The following RIF1 variants were observed in gnomAD, a reference collection of about 807,000 sequenced individuals.
RIF1 encodes the protein telomere-associated protein RIF1.
RIF1 carries 45 observed loss-of-function variants against 247.1 expected under a neutral mutation model. The observed-to-expected ratio is 0.18, with a 90% CI of 0.14 to 0.23. RIF1 has a LOEUF of 0.23. RIF1 is among the 10% of genes least tolerant of loss of function. The pLI, the probability that RIF1 is intolerant of heterozygous loss-of-function variation, is 1.00. For synonymous variants in RIF1, 1,087 were observed against 978.8 expected (o/e 1.11, Z -2.06); for missense variants, 2,967 against 2,862.5 (o/e 1.04, Z -0.83).
rs1187254215 is a variant in RIF1, at chr2:151,468,023, T to G, written c.6624T>G (p.Asp2208Glu). Residue 2208 changes from aspartate (D) to glutamate (E), a missense_variant, in exon 31 of 36, where the codon GAT becomes GAG. This residue lies in a region of RIF1 where 2,028 missense variants were observed against 1,825.6 expected (regional missense o/e 1.11). Transcript: ENST00000444746. The stretch of plus-strand genomic sequence containing the variant: ...AGGTTCGCCGTGTCTCCTTTGCAGA[T>G]CCAATATACCAAGCAGGATTGGCAG... ...VNKVRRVSFA[D>E]PIYQAGLADD... 1 of 1,613,000 alleles carries G rather than the reference T, an allele frequency of 6.2e-7. No individual in the cohort carries two copies. Among genetic ancestry groups the G allele is most frequent in the South Asian group, 1.1e-5 (1 of 90,808 alleles).
At chr2:151,427,335 C>T (rs1303212910) in intron 8 of RIF1, among the ~76,000 whole-genome samples, 6 of 151,730 alleles carry the variant, frequency 4.0e-5, no homozygotes, top group Non-Finnish European at 7.4e-5. Flanking sequence ...CTCAGCCTCC[C>T]GAGTAGCTGG....
At chr2:151,442,998 G>A (rs1178364640) in intron 16 of RIF1, among the ~76,000 whole-genome samples, 1 of 151,672 alleles carries the variant, frequency 6.6e-6, no homozygotes, top group South Asian at 2.1e-4. Flanking sequence ...GGATGGTCTC[G>A]ATCTCCTGAC....
Position 151,490,095 on chromosome 2 carries a change from A to C in RIF1, c.*416-5134A>C. The C allele has an allele frequency of 6.4e-7, 1 of 1,564,656 alleles. No individual in the cohort carries two copies. Among genetic ancestry groups the C allele is most frequent in the Non-Finnish European group, 8.8e-7 (1 of 1,142,664 alleles). ...TTTGTAAGCTGAAAAAAAGGGGGCA[A>C]ATTCTTTATAAGAAGAAAAATGGCT... is the stretch of plus-strand genomic sequence containing the variant. On this transcript the variant is annotated intron_variant and NMD_transcript_variant, in intron 9 of 13. Coordinates refer to the RIF1 transcript ENST00000454583.
chr2:151,493,710 G>A lies in RIF1; in HGVS notation c.*416-1519G>A, dbSNP rs563269120. On this transcript the variant is annotated intron_variant and NMD_transcript_variant, in intron 9 of 13. Transcript: ENST00000454583. ...TTTGGAAAAACTGTAAGATAAATTAGTGGTACAACCATGTTTGCCAGGGCT... is the reference window on the plus strand; with the variant it reads ...TTTGGAAAAACTGTAAGATAAATTAATGGTACAACCATGTTTGCCAGGGCT... 9.7e-5 allele frequency: 117 copies of A among 1,201,768 alleles called. 1 individual carries two copies. In the African/African-American group the frequency reaches 1.7e-3, roughly 17 times the overall value. 74.4% of individuals were successfully genotyped at this position (1,201,768 alleles called of 1,614,324 possible). A position where few individuals can be genotyped will look rare whatever the true frequency, so the allele number is the denominator to read the frequency against.
intron 12 of RIF1, chr2:151,503,453 A>AATT: frequency 6.4e-7 from 1 of 1,555,278 alleles, no homozygotes; most frequent in Non-Finnish European, 8.9e-7. Flanking sequence ...TGTAGAAAAT[A>AATT]ATTAGAATAC....
chr2:151,414,757 T>TCC lies in RIF1; in HGVS notation c.184-66_184-65insCC. 2.7e-6 allele frequency: 3 copies of TCC among 1,112,110 alleles called. No individual in the cohort carries two copies. The South Asian group carries it at 4.1e-5, about 15-fold the overall frequency. The allele number at this position is 1,112,110 out of a possible 1,614,324, so 68.9% of individuals were successfully genotyped here. On this transcript the variant is annotated intron_variant, in intron 3 of 35. Transcript: ENST00000444746. ...TGAATATGCTTGTTCTGTAATCAAC[T>TCC]TCTGCTTTCTAAAAATTGATTTACA...
intron 2 of RIF1, among the ~76,000 whole-genome samples, chr2:151,410,922 A>G (rs1281049171): frequency 3.3e-5 from 5 of 152,134 alleles, no homozygotes. Context: ...CTTCAAAGTA[A>G]TTTTCATAGA....
intron 9 of RIF1, chr2:151,492,801 G>A (rs2057613176): frequency 9.3e-6 from 2 of 214,908 alleles, no homozygotes; most frequent in East Asian, 1.1e-4. Flanking sequence ...CATATTCGAT[G>A]GTATTTGGCT....
intron 28 of RIF1, 26 bp downstream of exon 28, chr2:151,462,348 T>A (rs773884062): frequency 1.3e-6 from 2 of 1,498,226 alleles, no homozygotes; most frequent in South Asian, 1.3e-5. Context: ...ATCAAACTTT[T>A]ATATCTGTTT....
chr2:151,510,633 A>G (rs2073448151), downstream of RIF1, among the ~76,000 whole-genome samples: 1 of 152,222 alleles, frequency 6.6e-6, no homozygotes, highest in African/African-American at 2.4e-5. Context: ...TTATTACAGT[A>G]TATTGTTATA....
intron 20 of RIF1, among the ~76,000 whole-genome samples, chr2:151,448,336 G>T (rs550786156): frequency 6.6e-6 from 1 of 152,014 alleles, no homozygotes; most frequent in African/African-American, 2.4e-5. Flanking sequence ...GAGCCGCCGC[G>T]CCCAGCCAAA....
At chr2:151,519,318 A>G in the RIF1 span, among the ~76,000 whole-genome samples, 7 of 152,356 alleles carry the variant, frequency 4.6e-5, no homozygotes, top group Middle Eastern at 6.8e-3. Context: ...GTTCTGATAT[A>G]TCCTACAACA....
intron 6 of RIF1, among the ~76,000 whole-genome samples, chr2:151,417,772 G>C (rs1216112408): frequency 3.9e-5 from 6 of 152,166 alleles, no homozygotes; most frequent in Admixed American, 3.9e-4. Context: ...AATACATTCT[G>C]AGGAATGCAT....
downstream of RIF1, chr2:151,512,700 G>A (rs755241089): frequency 4.9e-6 from 7 of 1,429,978 alleles, no homozygotes; most frequent in African/African-American, 1.4e-5. Flanking sequence ...CATGATTGGG[G>A]TTTATGAGTG....
chr2:151,460,985 G>C (rs967336769), intron 26 of RIF1, among the ~76,000 whole-genome samples, 153 bp from the exon 27 acceptor site: 1 of 152,184 alleles, frequency 6.6e-6, no homozygotes, highest in South Asian at 2.1e-4. Context: ...AGAAAGTGGG[G>C]AACATTGTAC....
chr2:151,433,306 G>A, intron 10 of RIF1, 78 bp downstream of exon 10: 1 of 1,197,210 alleles, frequency 8.4e-7, no homozygotes, highest in Non-Finnish European at 1.2e-6. Flanking sequence ...GTAATCCTGT[G>A]GTGTTATTTT....
chr2:151,485,032 C>T (rs1439748805), downstream of RIF1, among the ~76,000 whole-genome samples: 1 of 152,220 alleles, frequency 6.6e-6, no homozygotes, highest in Non-Finnish European at 1.5e-5. Flanking sequence ...TAAACTTAAA[C>T]ATTAAGCCAT....
At chr2:151,534,102 A>G in the RIF1 span, 1 of 784,996 alleles carries the variant, frequency 1.3e-6, no homozygotes, top group Non-Finnish European at 2.1e-6. Flanking sequence ...GAAACAGAAC[A>G]ACCCAATATC....
At position 151,479,921 on chromosome 2, in the gene RIF1, G is replaced by A. The variant is rs2049097265; in HGVS notation, c.*4850G>A. ...TGTCCAGTTAATAAGTATATTATGT[G>A]CCAGGCTTTACATATTGCTCTTTGC... On this transcript the variant is annotated 3_prime_UTR_variant, in exon 36 of 36. Transcript: ENST00000444746. The A allele has an allele frequency of 6.6e-6, 1 of 152,162 alleles. No homozygotes were observed. The highest frequency in any genetic ancestry group is 1.5e-5 in the Non-Finnish European group (1 of 68,020). 9.4% of individuals were successfully genotyped at this position (152,162 alleles called of 1,614,324 possible). A position where few individuals can be genotyped will look rare whatever the true frequency, so the allele number is the denominator to read the frequency against.
Sources: gnomAD v4.1 joint callset for allele counts (sites outside exome capture counted in the v4.1 genomes callset) on GRCh38, gnomAD v4.1.1 for gene constraint, gnomAD v4.1.1 regional missense constraint, MANE v1.5 for transcripts, NCBI Gene and HGNC (gene_info 2026-07-23, HGNC 2026-07-21) for gene names.